The following ADCK1 variants were observed in gnomAD, a reference collection of about 807,000 sequenced individuals.
ADCK1 encodes aarF domain-containing protein kinase 1.
In ADCK1, 41 loss-of-function variants were observed where a neutral mutation model predicts 52.3. The observed-to-expected ratio is 0.78, with a 90% CI of 0.61 to 1.02. The LOEUF is 1.02. Among genes scored for constraint, ADCK1 ranks in the 50% least tolerant of loss-of-function variants. ADCK1 has a pLI of 0.00. For missense variants in ADCK1, 658 were observed against 679.5 expected (o/e 0.97, Z 0.35); for synonymous variants, 250 against 274.6 (o/e 0.91, Z 0.89).
At chr14:77,898,651 G>C (rs1471666858) in intron 5 of ADCK1, among the ~76,000 whole-genome samples, 1 of 152,146 alleles carries the variant, frequency 6.6e-6, no homozygotes, top group Non-Finnish European at 1.5e-5. Flanking sequence ...GCGACGGTTG[G>C]GGGGTGGGGG....
At chr14:77,810,957 C>A (rs2081328455) in intron 1 of ADCK1, among the ~76,000 whole-genome samples, 1 of 151,690 alleles carries the variant, frequency 6.6e-6, no homozygotes. Context: ...GTGTAAGGAG[C>A]TTAAGTCACT....
At chr14:77,894,327 A>G (rs748095591) in intron 5 of ADCK1, among the ~76,000 whole-genome samples, 1 of 152,182 alleles carries the variant, frequency 6.6e-6, no homozygotes, top group Non-Finnish European at 1.5e-5. Flanking sequence ...TTGGATCGGT[A>G]CAGGCATTCT....
At chr14:77,890,346 G>T (rs932917830) in intron 5 of ADCK1, among the ~76,000 whole-genome samples, 2 of 152,198 alleles carry the variant, frequency 1.3e-5, no homozygotes, top group Non-Finnish European at 1.5e-5. Flanking sequence ...CCTCTACATG[G>T]CTGCTTGGTC....
chr14:77,858,306 C>T lies in ADCK1; in HGVS notation c.220-770C>T, dbSNP rs193222435. 5.5e-3 allele frequency among the ~76,000 whole-genome samples: 833 copies of T among 152,152 alleles called. 1 individual carries two copies. Among genetic ancestry groups the T allele is most frequent in the Non-Finnish European group, 9.7e-3 (660 of 67,978 alleles). Reference sequence around the variant, plus strand: ...AGGCTAGAGTGCAGTGGTATGATCTCGGCTCACTGCAACCTCCGCCTCCTG... The same window carrying T: ...AGGCTAGAGTGCAGTGGTATGATCTTGGCTCACTGCAACCTCCGCCTCCTG... On this transcript the variant is annotated intron_variant, in intron 3 of 10. Coordinates refer to ENST00000238561, the MANE Select transcript of ADCK1 (RefSeq NM_020421.4).
intron 1 of ADCK1, among the ~76,000 whole-genome samples, chr14:77,807,157 C>T (rs568318073): frequency 6.6e-6 from 1 of 150,726 alleles, no homozygotes; most frequent in East Asian, 2.0e-4. Context: ...CAAGCTCCGC[C>T]TCCCGGGTCC....
intron 1 of ADCK1, among the ~76,000 whole-genome samples, chr14:77,803,110 C>T (rs1287362380): frequency 6.6e-6 from 1 of 152,136 alleles, no homozygotes; most frequent in Non-Finnish European, 1.5e-5. Context: ...GTATCATTCA[C>T]TTTGTGTGCT....
chr14:77,880,697 C>T (rs1401473775), intron 4 of ADCK1, among the ~76,000 whole-genome samples: 1 of 152,032 alleles, frequency 6.6e-6, no homozygotes, highest in Non-Finnish European at 1.5e-5. Flanking sequence ...CTTACCTTGC[C>T]GAACATTTCT....
chr14:77,882,361 G>A (rs145386666), intron 4 of ADCK1, among the ~76,000 whole-genome samples: 1,898 of 152,340 alleles, frequency 0.012, 23 homozygotes, highest in South Asian at 0.041. Flanking sequence ...AGTGGGAACT[G>A]CTTGGTCTTG....
chr14:77,899,397 A>G (rs2140238844), intron 6 of ADCK1, 139 bp downstream of exon 6: 1 of 1,152,360 alleles, frequency 8.7e-7, no homozygotes, highest in Non-Finnish European at 1.2e-6. Flanking sequence ...GATGAATGAC[A>G]TCACTGGTGA....
intron 7 of ADCK1, 86 bp downstream of exon 7, chr14:77,908,005 G>T: frequency 9.0e-7 from 1 of 1,108,236 alleles, no homozygotes; most frequent in South Asian, 1.4e-5. Context: ...TCCAGGTGAG[G>T]CCTCAGAGTC....
intron 4 of ADCK1, among the ~76,000 whole-genome samples, chr14:77,882,033 G>C (rs1413020836): frequency 6.6e-6 from 1 of 152,196 alleles, no homozygotes; most frequent in Non-Finnish European, 1.5e-5. Flanking sequence ...GAACTGGATG[G>C]GTTCCAAACA....
chr14:77,824,693 CA>C (rs199905628), intron 3 of ADCK1, among the ~76,000 whole-genome samples: 5,895 of 152,104 alleles, frequency 0.039, 182 homozygotes, highest in South Asian at 0.12. Flanking sequence ...CTTGGCCTCC[CA>C]AAGTGCTGAG....
intron 4 of ADCK1, among the ~76,000 whole-genome samples, chr14:77,868,146 T>A (rs2140158780): frequency 6.6e-6 from 1 of 152,296 alleles, no homozygotes; most frequent in South Asian, 2.1e-4. Context: ...TCTGGGAGAA[T>A]CACTCATGGG....
rs1292556961 is a variant in ADCK1, at chr14:77,817,995, C to T, written c.-11-973C>T. 2.6e-5 allele frequency among the ~76,000 whole-genome samples: 4 copies of T among 152,042 alleles called. 1 individual carries two copies. The South Asian group carries it at 8.3e-4, about 32-fold the overall frequency. On this transcript the variant is annotated intron_variant, in intron 1 of 10. Transcript: ENST00000238561. ...CCTTGTGATCTGCCCGCCTTGGCCT[C>T]CCAAAGTGCTGGGATTACAGGCGTG... is the stretch of plus-strand genomic sequence containing the variant.
intron 4 of ADCK1, among the ~76,000 whole-genome samples, chr14:77,866,701 G>C (rs977037918): frequency 6.6e-6 from 1 of 152,124 alleles, no homozygotes; most frequent in African/African-American, 2.4e-5. Flanking sequence ...TCATGGAGTT[G>C]GTGGTTGTGC....
chr14:77,878,166 G>C (rs1021897839), intron 4 of ADCK1, among the ~76,000 whole-genome samples: 1 of 152,242 alleles, frequency 6.6e-6, no homozygotes, highest in African/African-American at 2.4e-5. Flanking sequence ...GCTGGTGGCT[G>C]TACCCACTTT....
chr14:77,831,945 A>C (rs780938469), intron 3 of ADCK1, among the ~76,000 whole-genome samples: 6 of 150,936 alleles, frequency 4.0e-5, no homozygotes, highest in Non-Finnish European at 7.4e-5. Flanking sequence ...TAATGTACAC[A>C]TGTGGAAGTA....
At chr14:77,932,127 C>A (rs1191643227) in intron 10 of ADCK1, among the ~76,000 whole-genome samples, 1 of 152,058 alleles carries the variant, frequency 6.6e-6, no homozygotes, top group Non-Finnish European at 1.5e-5. Context: ...CGGCTCACTG[C>A]AACCTTCATC....
intron 3 of ADCK1, among the ~76,000 whole-genome samples, chr14:77,852,665 A>AAATATATATATAT (rs2082313221): frequency 4.5e-5 from 4 of 88,876 alleles, no homozygotes; most frequent in African/African-American, 2.4e-4. Context: ...AAATAAATAT[A>AAATATATATATAT]TATATATATA....
Sources: gnomAD v4.1 joint callset for allele counts (sites outside exome capture counted in the v4.1 genomes callset) on GRCh38, gnomAD v4.1.1 for gene constraint, MANE v1.5 for transcripts, NCBI Gene and HGNC (gene_info 2026-07-23, HGNC 2026-07-21) for gene names.